VAV3: variants seen among roughly 807,000 people sequenced by gnomAD.
VAV3 encodes the protein guanine nucleotide exchange factor VAV3.
In VAV3, 94 loss-of-function variants were observed where a neutral mutation model predicts 131.2. That is an observed-to-expected ratio of 0.72 (90% CI 0.61 to 0.85). The LOEUF (loss-of-function observed/expected upper bound fraction) is 0.85. Ranked by LOEUF, VAV3 falls within the 40% of genes least tolerant of loss-of-function variation. The pLI, the probability that VAV3 is intolerant of heterozygous loss-of-function variation, is 0.00. For missense variants in VAV3, 939 were observed against 1,002.7 expected, an observed-to-expected ratio of 0.94 and a Z score of 0.86; for synonymous variants, 349 against 342.0, an observed-to-expected ratio of 1.02 and a Z score of -0.22.
intron 17 of VAV3, among the ~76,000 whole-genome samples, chr1:107,700,270 T>C (rs1660020650): frequency 7.0e-5 from 3 of 43,142 alleles, no homozygotes; most frequent in Admixed American, 3.8e-4. Flanking sequence ...CCATGAGCAA[T>C]AAGCATTTTT....
intron 1 of VAV3, among the ~76,000 whole-genome samples, chr1:107,899,635 C>T (rs936409394): frequency 6.6e-6 from 1 of 152,152 alleles, no homozygotes; most frequent in African/African-American, 2.4e-5. Context: ...AATGATGTAT[C>T]AAGGCTGAGT....
intron 25 of VAV3, among the ~76,000 whole-genome samples, chr1:107,589,823 C>A (rs1042138581): frequency 4.5e-4 from 68 of 152,016 alleles, no homozygotes; most frequent in Middle Eastern, 3.4e-3. Context: ...GGAACCTGTA[C>A]GAAGGAGATA....
chr1:107,700,411 T>G (rs1660033891), intron 17 of VAV3, among the ~76,000 whole-genome samples: 1 of 152,216 alleles, frequency 6.6e-6, no homozygotes, highest in African/African-American at 2.4e-5. Flanking sequence ...ACCTAAGAAT[T>G]AAGTGCAGCA....
intron 15 of VAV3, among the ~76,000 whole-genome samples, chr1:107,742,064 A>C (rs1169493921): frequency 2.6e-5 from 4 of 152,180 alleles, no homozygotes; most frequent in African/African-American, 9.7e-5. Flanking sequence ...TATGGCATCA[A>C]CTTCAAGAAT....
At position 107,887,469 on chromosome 1, in the gene VAV3, G is replaced by A. The variant is rs111820405; in HGVS notation, c.205-12452C>T. 8.0e-4 allele frequency among the ~76,000 whole-genome samples: 122 copies of A among 152,230 alleles called. 2 individuals are homozygous for A. The highest frequency in any genetic ancestry group is 2.6e-3 in the African/African-American group (109 of 41,520). ...GAAATCTGCCCAACACATAAAATCT[G>A]CAACCATTCATTCTGGCTTTTTATG... On this transcript the variant is annotated intron_variant, in intron 1 of 26. Transcript: ENST00000370056.
At chr1:107,774,922 T>G (rs371403429) in intron 4 of VAV3, among the ~76,000 whole-genome samples, 6 of 151,860 alleles carry the variant, frequency 4.0e-5, no homozygotes, top group Admixed American at 2.0e-4. Flanking sequence ...GCTTTTTTTT[T>G]TTTTTTAAGA....
At chr1:107,903,473 T>A (rs1327089664) in intron 1 of VAV3, among the ~76,000 whole-genome samples, 1 of 152,132 alleles carries the variant, frequency 6.6e-6, no homozygotes, top group Non-Finnish European at 1.5e-5. Flanking sequence ...GAGACCTGCA[T>A]TTGACCTCCA....
chr1:107,629,982 A>G (rs1654328094), intron 20 of VAV3, among the ~76,000 whole-genome samples: 2 of 152,156 alleles, frequency 1.3e-5, no homozygotes, highest in Non-Finnish European at 2.9e-5. Context: ...CAGAAAGCAT[A>G]ACTTCTCAAA....
At chr1:107,658,387 T>G (rs1656740283) in intron 19 of VAV3, among the ~76,000 whole-genome samples, 1 of 152,206 alleles carries the variant, frequency 6.6e-6, no homozygotes, top group South Asian at 2.1e-4. Flanking sequence ...TTTGCTATTG[T>G]GAATAGTGCT....
intron 17 of VAV3, among the ~76,000 whole-genome samples, chr1:107,694,359 CG>C (rs1019999243): frequency 5.9e-5 from 9 of 152,084 alleles, no homozygotes; most frequent in African/African-American, 2.2e-4. Flanking sequence ...ACAATTGGAT[CG>C]ACTGGATCAG....
intron 20 of VAV3, among the ~76,000 whole-genome samples, chr1:107,624,997 T>C (rs1252817113): frequency 6.6e-6 from 1 of 152,022 alleles, no homozygotes; most frequent in East Asian, 1.9e-4. Flanking sequence ...GATTAGGGAG[T>C]TGGGAGCCTG....
intron 2 of VAV3, among the ~76,000 whole-genome samples, chr1:107,813,967 A>AGT (rs58318688): frequency 0.054 from 7,331 of 135,728 alleles, 206 homozygotes; most frequent in East Asian, 0.11. Flanking sequence ...ATAGTACTCC[A>AGT]GTGTGTGTGT....
At chr1:107,641,690 T>C (rs564599021) in intron 20 of VAV3, among the ~76,000 whole-genome samples, 1 of 152,202 alleles carries the variant, frequency 6.6e-6, no homozygotes, top group African/African-American at 2.4e-5. Flanking sequence ...TGTGGGTAGG[T>C]AAAAAGCAAA....
intron 19 of VAV3, among the ~76,000 whole-genome samples, chr1:107,648,050 C>A (rs562918068): frequency 1.3e-5 from 2 of 152,150 alleles, no homozygotes; most frequent in South Asian, 2.1e-4. Flanking sequence ...CATGCTACAA[C>A]AGAAGCAGGC....
At position 107,704,564 on chromosome 1, in the gene VAV3, C is replaced by T; in HGVS notation, c.1691G>A (p.Arg564Lys). ...ECLGRVDNCG[R>K]VNSGEQGTLK... ...ACATGACTTACCACCAGAATTAACT[C>T]TGCCACAATTGTCTACTCTTCCCAA... Residue 564 changes from arginine (R) to lysine (K), a missense_variant, in exon 17 of 27, where the codon AGA (arginine) becomes AAA (lysine). Transcript: ENST00000370056. The T allele has an allele frequency of 8.1e-6, 13 of 1,613,424 alleles. No individual in the cohort carries two copies. Among genetic ancestry groups the T allele is most frequent in the Non-Finnish European group, 1.1e-5 (13 of 1,179,490 alleles).
At chr1:107,681,479 A>G (rs1403127527) in intron 19 of VAV3, among the ~76,000 whole-genome samples, 1 of 152,166 alleles carries the variant, frequency 6.6e-6, no homozygotes, top group African/African-American at 2.4e-5. Flanking sequence ...CCAAAAGTCA[A>G]GCAACTTTAA....
In VAV3 at chr1:107,757,346, G is replaced by T. The variant is rs1360975944; in HGVS notation, c.1018-17C>A. 6.3e-7 allele frequency: 1 copy of T among 1,597,274 alleles called. No homozygotes were observed. Among genetic ancestry groups the T allele is most frequent in the Admixed American group, 1.8e-5 (1 of 56,296 alleles). On this transcript the variant is annotated splice_polypyrimidine_tract_variant and intron_variant, in intron 10 of 26. Transcript: ENST00000370056. ...GACCAGTTCCTATTTGGAAGATATG[G>T]TTTAGTACTACTTTCATCAAATTAA...
intron 19 of VAV3, among the ~76,000 whole-genome samples, chr1:107,654,830 A>T (rs906354414): frequency 6.6e-5 from 10 of 152,112 alleles, no homozygotes; most frequent in Non-Finnish European, 1.2e-4. Flanking sequence ...AATGTTAGAT[A>T]TACACTGGCT....
At chr1:107,675,587 G>A (rs148395256) in intron 19 of VAV3, among the ~76,000 whole-genome samples, 28 of 152,188 alleles carry the variant, frequency 1.8e-4, no homozygotes, top group East Asian at 3.9e-4. Flanking sequence ...CTTTATTGCC[G>A]TGAAGCAGGT....
Sources: allele counts gnomAD v4.1 joint callset (sites outside exome capture counted in the v4.1 genomes callset), GRCh38; gene constraint gnomAD v4.1.1; transcripts MANE v1.5; gene names NCBI Gene and HGNC (gene_info 2026-07-23, HGNC 2026-07-21).